Variants in GDPD5 observed in about 807,000 individuals in gnomAD.
The protein encoded by GDPD5 is glycerophosphodiester phosphodiesterase domain containing 5, also known as glycerophosphodiester phosphodiesterase 2.
GDPD5 carries 48 observed loss-of-function variants against 75.1 expected under a neutral mutation model. The observed-to-expected ratio is 0.64, with a 90% CI of 0.51 to 0.81. The LOEUF (loss-of-function observed/expected upper bound fraction) is 0.81. Ranked by LOEUF, GDPD5 falls within the 40% of genes least tolerant of loss-of-function variation. GDPD5 has a pLI of 0.00. For missense variants in GDPD5, 706 were observed against 822.6 expected (o/e 0.86, Z 1.73); for synonymous variants, 336 against 339.0 (o/e 0.99, Z 0.10).
At chr11:75,504,016 C>T (rs1950345608) in intron 1 of GDPD5, among the ~76,000 whole-genome samples, 1 of 152,216 alleles carries the variant, frequency 6.6e-6, no homozygotes, top group South Asian at 2.1e-4. Context: ...TTAATCCTGG[C>T]ATGGCCATTG....
At chr11:75,458,314 T>C (rs59219139) in intron 4 of GDPD5, among the ~76,000 whole-genome samples, 3,945 of 152,320 alleles carry the variant, frequency 0.026, 178 homozygotes, top group African/African-American at 0.089. Flanking sequence ...GGTCTTAGAA[T>C]TGATCGAATG....
At chr11:75,524,484 C>T (rs995388442) in intron 1 of GDPD5, among the ~76,000 whole-genome samples, 1 of 152,218 alleles carries the variant, frequency 6.6e-6, no homozygotes, top group African/African-American at 2.4e-5. Context: ...GCACTCCCTT[C>T]GGGTGGGCCT....
At chr11:75,466,381 G>A (rs532779957) in intron 3 of GDPD5, among the ~76,000 whole-genome samples, 23 of 152,258 alleles carry the variant, frequency 1.5e-4, no homozygotes, top group Admixed American at 1.4e-3. Context: ...GGAAGGTGAG[G>A]AAGTAGCCAG....
chr11:75,517,126 T>C (rs992733575), intron 1 of GDPD5, among the ~76,000 whole-genome samples: 6 of 152,098 alleles, frequency 3.9e-5, no homozygotes, highest in African/African-American at 1.4e-4. Context: ...TGGAAGTTGT[T>C]GGGGGAGGTG....
At chr11:75,482,755 C>T (rs549194900) in intron 2 of GDPD5, among the ~76,000 whole-genome samples, 2 of 152,342 alleles carry the variant, frequency 1.3e-5, no homozygotes, top group African/African-American at 2.4e-5. Context: ...GTTCCCTCCT[C>T]CATGGAGGCC....
rs574914858 is a variant in GDPD5, at chr11:75,477,419, C to T, written c.117+200G>A. Among the ~76,000 whole-genome samples, 8 of 152,390 alleles carry T rather than the reference C, an allele frequency of 5.2e-5. No individual in the cohort carries two copies. In the East Asian group the frequency reaches 1.5e-3, roughly 29 times the overall value. On this transcript the variant is annotated intron_variant, in intron 3 of 16. Transcript: ENST00000336898. ...GAGAGTTAACAACTTGTCAACAGGA[C>T]AAACTCCTTCCATGCCCTCCTGGTC...
chr11:75,507,399 G>A (rs967305685), intron 1 of GDPD5, among the ~76,000 whole-genome samples: 6 of 152,242 alleles, frequency 3.9e-5, no homozygotes, highest in Non-Finnish European at 8.8e-5. Flanking sequence ...ATTTAGAGGG[G>A]AAAACTGAGG....
chr11:75,483,806 T>C (rs1191878815), intron 2 of GDPD5, among the ~76,000 whole-genome samples: 1 of 152,162 alleles, frequency 6.6e-6, no homozygotes, highest in African/African-American at 2.4e-5. Flanking sequence ...AGACAGAAAG[T>C]AGCTCAGTGA....
rs560966839 is a variant in GDPD5, at chr11:75,462,246, C to T, written c.221+540G>A. 1.4e-4 allele frequency among the ~76,000 whole-genome samples: 21 copies of T among 152,272 alleles called. No homozygotes were observed. In the East Asian group the frequency reaches 1.9e-3, roughly 14 times the overall value. ...TTCCTATTGTCCATGGTCACAGCACCGGGAAGGAATGCCCTGTGTCTCCCC... is the reference window on the plus strand; with the variant it reads ...TTCCTATTGTCCATGGTCACAGCACTGGGAAGGAATGCCCTGTGTCTCCCC... On this transcript the variant is annotated intron_variant, in intron 4 of 16. Transcript: ENST00000336898.
At chr11:75,486,870 A>G (rs955008094) in intron 2 of GDPD5, among the ~76,000 whole-genome samples, 6 of 152,204 alleles carry the variant, frequency 3.9e-5, no homozygotes, top group Non-Finnish European at 8.8e-5. Context: ...GGGGAGAAGG[A>G]AGGGCATTTT....
intron 4 of GDPD5, 134 bp from the exon 5 acceptor site, chr11:75,457,920 G>A (rs1949325110): frequency 3.1e-6 from 2 of 638,472 alleles, no homozygotes; most frequent in East Asian, 2.8e-5. Flanking sequence ...TAGCAATAAG[G>A]CTCAGCGTCT....
intron 1 of GDPD5, among the ~76,000 whole-genome samples, chr11:75,491,980 T>C (rs1021781708): frequency 3.9e-5 from 6 of 151,960 alleles, no homozygotes; most frequent in Admixed American, 2.6e-4. Context: ...CACCAGAAAG[T>C]TGGTGTGAGA....
At chr11:75,501,419 C>T (rs563809844) in intron 1 of GDPD5, among the ~76,000 whole-genome samples, 1 of 152,332 alleles carries the variant, frequency 6.6e-6, no homozygotes, top group African/African-American at 2.4e-5. Context: ...CATGAGTGGG[C>T]ACACTGGCGC....
At chr11:75,441,615 C>A (rs966143466) in intron 13 of GDPD5, 31 bp downstream of exon 13, 2 of 1,529,532 alleles carry the variant, frequency 1.3e-6, no homozygotes, top group Non-Finnish European at 1.8e-6. Context: ...GTCCCACCCT[C>A]TCCTGGAGGA....
intron 4 of GDPD5, among the ~76,000 whole-genome samples, chr11:75,462,401 C>T (rs776071398): frequency 6.6e-6 from 1 of 152,192 alleles, no homozygotes; most frequent in African/African-American, 2.4e-5. Flanking sequence ...TAAAGTTCCC[C>T]AGGTTTCAAT....
At chr11:75,495,022 C>G (rs1950184839) in intron 1 of GDPD5, among the ~76,000 whole-genome samples, 1 of 151,948 alleles carries the variant, frequency 6.6e-6, no homozygotes, top group African/African-American at 2.4e-5. Context: ...AATCTCAGCA[C>G]TTTGGGAGAC....
chr11:75,440,629 C>T (rs538826243), intron 14 of GDPD5, among the ~76,000 whole-genome samples: 25 of 152,278 alleles, frequency 1.6e-4, no homozygotes, highest in Non-Finnish European at 3.1e-4. Context: ...GATCACAGCT[C>T]ACTGCAGCTT....
In GDPD5 at chr11:75,449,148, G is replaced by T. The variant is rs776564045; in HGVS notation, c.569-26C>A. 11 of 1,554,196 alleles carry T rather than the reference G, an allele frequency of 7.1e-6. No homozygotes were observed. In the Middle Eastern group the frequency reaches 6.9e-4, roughly 98 times the overall value. ...CTGCAGATAAGGGGCCGTGAGTGCTGCCTGGTGAGCCCTGGGCAGGTTGGG... is the reference window on the plus strand; with the variant it reads ...CTGCAGATAAGGGGCCGTGAGTGCTTCCTGGTGAGCCCTGGGCAGGTTGGG... On this transcript the variant is annotated intron_variant, in intron 8 of 16. Transcript: ENST00000336898.
chr11:75,463,307 A>C lies in GDPD5; in HGVS notation c.118-418T>G, dbSNP rs574754083. Reference sequence around the variant, plus strand: ...CCACCTCTACCCCGTGCTACCGAGAAAAACACTGAGGCCCAGAGAGGCCAA... The same window carrying C: ...CCACCTCTACCCCGTGCTACCGAGACAAACACTGAGGCCCAGAGAGGCCAA... On this transcript the variant is annotated intron_variant, in intron 3 of 16. Coordinates refer to ENST00000336898, the MANE Select transcript of GDPD5 (RefSeq NM_030792.8). Among the ~76,000 whole-genome samples the C allele has an allele frequency of 7.2e-5, 11 of 152,328 alleles. No individual in the cohort carries two copies. In the East Asian group the frequency reaches 1.4e-3, roughly 19 times the overall value.
Sources: allele counts gnomAD v4.1 joint callset (sites outside exome capture counted in the v4.1 genomes callset), GRCh38; gene constraint gnomAD v4.1.1; transcripts MANE v1.5; gene names NCBI Gene and HGNC (gene_info 2026-07-23, HGNC 2026-07-21).